Variants in COL24A1 observed in about 807,000 individuals in gnomAD.
The protein encoded by COL24A1 is collagen alpha-1(XXIV) chain.
COL24A1 carries 224 observed loss-of-function variants against 253.9 expected under a neutral mutation model. That is an observed-to-expected ratio of 0.88 (90% CI 0.79 to 0.99). The LOEUF is 0.99. Ranked by LOEUF, COL24A1 falls within the 50% of genes least tolerant of loss-of-function variation. The pLI, the probability that COL24A1 is intolerant of heterozygous loss-of-function variation, is 0.00. For missense variants in COL24A1, 2,131 were observed against 2,068.5 expected (o/e 1.03, Z -0.59); for synonymous variants, 685 against 673.7 (o/e 1.02, Z -0.26).
intron 47 of COL24A1, among the ~76,000 whole-genome samples, chr1:85,812,217 G>C (rs1255579894): frequency 1.3e-5 from 2 of 152,184 alleles, no homozygotes; most frequent in East Asian, 3.8e-4. Flanking sequence ...TATTGAAACT[G>C]GGCCCTAGCA....
chr1:86,012,162 C>A (rs1696556450), intron 19 of COL24A1, among the ~76,000 whole-genome samples: 1 of 152,110 alleles, frequency 6.6e-6, no homozygotes, highest in Admixed American at 6.5e-5. Context: ...AAAAAAAGTT[C>A]TACAGGTGAT....
intron 41 of COL24A1, 103 bp downstream of exon 41, chr1:85,841,965 G>C: frequency 2.1e-6 from 2 of 937,542 alleles, no homozygotes; most frequent in Middle Eastern, 2.2e-4. Context: ...AACTTTAAAA[G>C]TGCTTCTTTT....
intron 27 of COL24A1, 82 bp downstream of exon 27, chr1:85,908,516 C>G: frequency 2.5e-6 from 2 of 791,764 alleles, no homozygotes; most frequent in South Asian, 2.0e-5. Context: ...TGAATAAAAA[C>G]CAACAATAAA....
rs181134563 is a variant in COL24A1, at chr1:85,881,026, A to G, written c.2977-3851T>C. Among the ~76,000 whole-genome samples, 245 of 152,356 alleles carry G rather than the reference A, an allele frequency of 1.6e-3. 1 individual carries two copies. Among genetic ancestry groups the G allele is most frequent in the African/African-American group, 5.7e-3 (239 of 41,580 alleles). Reference sequence around the variant, plus strand: ...TGGTTTTGTTTTTAAGGTAATGCTCACATAATGGCCTCATGTGTGTGGCCT... The same window carrying G: ...TGGTTTTGTTTTTAAGGTAATGCTCGCATAATGGCCTCATGTGTGTGGCCT... On this transcript the variant is annotated intron_variant, in intron 32 of 59. Transcript: ENST00000370571.
At chr1:85,797,331 C>T (rs1189070346) in intron 47 of COL24A1, among the ~76,000 whole-genome samples, 1 of 152,038 alleles carries the variant, frequency 6.6e-6, no homozygotes, top group East Asian at 1.9e-4. Flanking sequence ...AGACAACATC[C>T]ATGCTCTGAT....
chr1:86,007,734 A>C (rs759565048), intron 19 of COL24A1, among the ~76,000 whole-genome samples: 2 of 152,244 alleles, frequency 1.3e-5, no homozygotes, highest in Non-Finnish European at 1.5e-5. Flanking sequence ...TACGATTCCA[A>C]CTGCCTGACA....
At chr1:85,927,194 C>A (rs1322426699) in intron 24 of COL24A1, among the ~76,000 whole-genome samples, 1 of 152,048 alleles carries the variant, frequency 6.6e-6, no homozygotes, top group Non-Finnish European at 1.5e-5. Context: ...TAGGGAGTGC[C>A]AGACAGTGGG....
chr1:86,059,110 A>G lies in COL24A1; in HGVS notation c.1806+11T>C. On this transcript the variant is annotated intron_variant, in intron 9 of 59. Coordinates refer to ENST00000370571, the MANE Select transcript of COL24A1 (RefSeq NM_152890.7). ...AACACAAAGAGAAAAGTCTAAATAT[A>G]GTTACTGCACCTGCCTGCCAGGGTA... The G allele has an allele frequency of 6.3e-7, 1 of 1,595,306 alleles. No individual in the cohort carries two copies. The highest frequency in any genetic ancestry group is 8.6e-7 in the Non-Finnish European group (1 of 1,167,218).
At chr1:85,957,163 G>A (rs1235823575) in intron 24 of COL24A1, among the ~76,000 whole-genome samples, 1 of 152,068 alleles carries the variant, frequency 6.6e-6, no homozygotes, top group Non-Finnish European at 1.5e-5. Context: ...ACACCACGAG[G>A]GGAACATCAC....
At position 86,024,271 on chromosome 1, in the gene COL24A1, CT is replaced by C. The variant is rs140285550; in HGVS notation, c.2050-1265del. Among the ~76,000 whole-genome samples, 167 of 151,756 alleles carry C rather than the reference CT, an allele frequency of 1.1e-3. 2 individuals are homozygous for C. Among genetic ancestry groups the C allele is most frequent in the Middle Eastern group, 3.4e-3 (1 of 294 alleles). ...ACGCTACTTAGTACATGGCACTGTA[CT>C]TTTTTTTTCCTGCCTTCCTAGTCTG... On this transcript the variant is annotated intron_variant, in intron 14 of 59. Coordinates refer to ENST00000370571, the MANE Select transcript of COL24A1 (RefSeq NM_152890.7).
intron 59 of COL24A1, among the ~76,000 whole-genome samples, chr1:85,732,791 T>C (rs1242922084): frequency 1.3e-5 from 2 of 152,192 alleles, no homozygotes; most frequent in South Asian, 2.1e-4. Context: ...AAAGCTGTTA[T>C]TATGAATAAA....
chr1:86,134,941 C>T (rs1250207635), intron 2 of COL24A1, among the ~76,000 whole-genome samples: 1 of 151,436 alleles, frequency 6.6e-6, no homozygotes, highest in African/African-American at 2.4e-5. Flanking sequence ...CTAATGCTGA[C>T]ATTGGGGTGT....
At chr1:85,839,090 C>T (rs1432406471) in intron 42 of COL24A1, among the ~76,000 whole-genome samples, 1 of 151,840 alleles carries the variant, frequency 6.6e-6, no homozygotes, top group Non-Finnish European at 1.5e-5. Context: ...GTCCCAGCTA[C>T]TTGGGAGCTG....
At chr1:86,033,797 A>C (rs1698780202) in intron 13 of COL24A1, 73 bp downstream of exon 13, 5 of 1,254,892 alleles carry the variant, frequency 4.0e-6, no homozygotes, top group Non-Finnish European at 3.4e-6. Context: ...TATGATAATA[A>C]GGACTGTAAG....
At chr1:85,998,779 T>C (rs1695117030) in intron 19 of COL24A1, among the ~76,000 whole-genome samples, 1 of 152,228 alleles carries the variant, frequency 6.6e-6, no homozygotes, top group African/African-American at 2.4e-5. Flanking sequence ...TTTAGGCTCC[T>C]TAAACTTCAG....
chr1:85,855,859 T>C (rs1678379855), intron 37 of COL24A1, among the ~76,000 whole-genome samples: 1 of 152,162 alleles, frequency 6.6e-6, no homozygotes, highest in Admixed American at 6.5e-5. Context: ...AAGTCACTGA[T>C]TCAATTTCAG....
chr1:86,128,039 A>T (rs1005643010), intron 2 of COL24A1, among the ~76,000 whole-genome samples: 2 of 152,048 alleles, frequency 1.3e-5, no homozygotes, highest in African/African-American at 2.4e-5. Flanking sequence ...AAACTTTTCC[A>T]CCAAAATATT....
chr1:85,775,507 T>C (rs147309362), intron 53 of COL24A1, among the ~76,000 whole-genome samples, 167 bp downstream of exon 53: 3 of 152,260 alleles, frequency 2.0e-5, no homozygotes, highest in African/African-American at 7.2e-5. Flanking sequence ...TGAGTCTAAG[T>C]CTCTTTTACT....
intron 43 of COL24A1, among the ~76,000 whole-genome samples, chr1:85,836,879 C>T (rs1279597841): frequency 2.0e-5 from 3 of 152,166 alleles, no homozygotes; most frequent in Non-Finnish European, 4.4e-5. Flanking sequence ...GTCCAGAAAA[C>T]GCCGGCAGGG....
Sources: gnomAD v4.1 joint callset for allele counts (sites outside exome capture counted in the v4.1 genomes callset) on GRCh38, gnomAD v4.1.1 for gene constraint, MANE v1.5 for transcripts, NCBI Gene and HGNC (gene_info 2026-07-23, HGNC 2026-07-21) for gene names.